Variants in ZBTB20 observed in about 807,000 individuals in gnomAD.
ZBTB20 encodes zinc finger and BTB domain-containing protein 20.
ZBTB20 carries 9 observed loss-of-function variants against 56.9 expected under a neutral mutation model. The observed-to-expected ratio is 0.16, with a 90% confidence interval of 0.10 to 0.28. The LOEUF is 0.28. ZBTB20 is among the 10% of genes least tolerant of loss of function. The pLI, the probability that ZBTB20 is intolerant of heterozygous loss-of-function variation, is 1.00. For missense variants in ZBTB20, 655 were observed against 1,003.0 expected (o/e 0.65, Z 4.69); for synonymous variants, 417 against 420.7 (o/e 0.99, Z 0.11).
chr3:115,057,999 G>T (rs1432121461), intron 2 of ZBTB20, among the ~76,000 whole-genome samples: 4 of 152,110 alleles, frequency 2.6e-5, no homozygotes, highest in Non-Finnish European at 4.4e-5. Context: ...CATGGCAGCA[G>T]CAAGAAGTGC....
At chr3:114,772,169 G>A (rs570368469) in intron 5 of ZBTB20, among the ~76,000 whole-genome samples, 79 of 151,878 alleles carry the variant, frequency 5.2e-4, no homozygotes, top group African/African-American at 1.8e-3. Context: ...GTGAAACCCC[G>A]TCTCTACTAA....
intron 7 of ZBTB20, among the ~76,000 whole-genome samples, chr3:114,429,237 A>T (rs2089942926): frequency 6.6e-6 from 1 of 152,204 alleles, no homozygotes; most frequent in Non-Finnish European, 1.5e-5. Context: ...TTAACAGTAT[A>T]GTTGTTTTAT....
chr3:114,339,494 C>A lies in ZBTB20; in HGVS notation c.1805-68G>T. 2.0e-6 allele frequency: 3 copies of A among 1,479,746 alleles called. No homozygotes were observed. Among genetic ancestry groups the A allele is most frequent in the African/African-American group, 1.4e-5 (1 of 70,786 alleles). 91.7% of individuals were successfully genotyped at this position (1,479,746 alleles called of 1,614,324 possible). A position where few individuals can be genotyped will look rare whatever the true frequency, so the allele number is the denominator to read the frequency against. ...ATAGCAAGGGATAGAGAATGAAGGA[C>A]AGGAAAAACAAGACAACAAAAAAGA... On this transcript the variant is annotated intron_variant, in intron 11 of 11. Coordinates refer to ENST00000675478, the MANE Select transcript of ZBTB20 (RefSeq NM_001348800.3). The surrounding 1 kb of genome is among the most constrained non-coding windows in gnomAD (Gnocchi z 4.2).
At position 114,506,287 on chromosome 3, in the gene ZBTB20, T is replaced by C. The variant is rs139248166; in HGVS notation, c.-294-5896A>G. On this transcript the variant is annotated intron_variant, in intron 6 of 11. Coordinates refer to ENST00000675478, the MANE Select transcript of ZBTB20 (RefSeq NM_001348800.3). ...AAATTTTGATGATGAAATAAGGTTA[T>C]AATCAATAAAGAGAGAAGATTTTAA... is the stretch of plus-strand genomic sequence containing the variant. Among the ~76,000 whole-genome samples the C allele has an allele frequency of 1.2e-3, 184 of 152,280 alleles. 2 individuals are homozygous for C. In the East Asian group the frequency reaches 0.022, roughly 18 times the overall value.
chr3:114,732,397 G>C (rs547141813), intron 5 of ZBTB20, among the ~76,000 whole-genome samples: 5 of 152,214 alleles, frequency 3.3e-5, no homozygotes, highest in African/African-American at 1.2e-4. Context: ...ATGTTGGTCA[G>C]AGATAGACCT....
intron 5 of ZBTB20, among the ~76,000 whole-genome samples, chr3:114,759,783 T>C (rs2068302664): frequency 6.6e-6 from 1 of 152,160 alleles, no homozygotes; most frequent in South Asian, 2.1e-4. Context: ...GACTCCCAAA[T>C]ATATGCTACA....
In ZBTB20 at chr3:114,336,943, T is replaced by A. The variant is rs1188207951; in HGVS notation, c.*2062A>T. The stretch of plus-strand genomic sequence containing the variant: ...TCAGCTAGGTTTAAGAATTCCTATA[T>A]TTGAGCTGGAATCCCTTCAGGACAC... On this transcript the variant is annotated 3_prime_UTR_variant, in exon 12 of 12. Coordinates refer to ENST00000675478, the MANE Select transcript of ZBTB20 (RefSeq NM_001348800.3). 6.6e-6 allele frequency: 1 copy of A among 152,168 alleles called. No individual in the cohort carries two copies. The highest frequency in any genetic ancestry group is 1.9e-4 in the East Asian group (1 of 5,202). 9.4% of individuals were successfully genotyped at this position (152,168 alleles called of 1,614,324 possible). A position where few individuals can be genotyped will look rare whatever the true frequency, so the allele number is the denominator to read the frequency against.
rs536967953 is a variant in ZBTB20 at position 114,571,332 on chromosome 3, T to C, written c.-294-70941A>G. Among the ~76,000 whole-genome samples, 36 of 152,328 alleles carry C rather than the reference T, an allele frequency of 2.4e-4. No homozygotes were observed. In the South Asian group the frequency reaches 6.8e-3, roughly 29 times the overall value. ...ACAAGAGATATAGCCAGCCATTCCA[T>C]AGTTATTGGGGGAAAACTATTGTTC... On this transcript the variant is annotated intron_variant, in intron 6 of 11. Coordinates refer to ENST00000675478, the MANE Select transcript of ZBTB20 (RefSeq NM_001348800.3).
Position 114,621,750 on chromosome 3 carries a change from T to C in ZBTB20, c.-295+71778A>G, listed in dbSNP as rs1219744906. Among the ~76,000 whole-genome samples, 3 of 152,168 alleles carry C rather than the reference T, an allele frequency of 2.0e-5. No homozygotes were observed. In the East Asian group the frequency reaches 5.8e-4, roughly 29 times the overall value. ...ATTTAATGAAATTAGAATTTCCAGGTGAGCACTAGGAAATTGAGTTATTGA... is the reference window on the plus strand; with the variant it reads ...ATTTAATGAAATTAGAATTTCCAGGCGAGCACTAGGAAATTGAGTTATTGA... On this transcript the variant is annotated intron_variant, in intron 6 of 11. Coordinates refer to ENST00000675478, the MANE Select transcript of ZBTB20 (RefSeq NM_001348800.3).
intron 5 of ZBTB20, among the ~76,000 whole-genome samples, chr3:114,775,393 T>C (rs994838464): frequency 1.3e-5 from 2 of 152,216 alleles, no homozygotes; most frequent in African/African-American, 4.8e-5. Flanking sequence ...GGTGGATATA[T>C]TAAAAGATTG....
intron 7 of ZBTB20, among the ~76,000 whole-genome samples, chr3:114,440,820 T>G (rs2090868983): frequency 6.6e-6 from 1 of 152,166 alleles, no homozygotes; most frequent in African/African-American, 2.4e-5. Flanking sequence ...AACACTCTGC[T>G]ATTCTCCTGG....
chr3:114,316,210 G>C lies in ZBTB20; in HGVS notation c.*22795C>G. 1 of 309,218 alleles carries C rather than the reference G, an allele frequency of 3.2e-6. No individual in the cohort carries two copies. Among genetic ancestry groups the C allele is most frequent in the South Asian group, 2.7e-5 (1 of 37,164 alleles). 19.2% of individuals were successfully genotyped at this position (309,218 alleles called of 1,614,324 possible). A position where few individuals can be genotyped will look rare whatever the true frequency, so the allele number is the denominator to read the frequency against. On this transcript the variant is annotated 3_prime_UTR_variant, in exon 12 of 12. Coordinates refer to ENST00000675478, the MANE Select transcript of ZBTB20 (RefSeq NM_001348800.3). ...ATGAAATGGTATATAGAACATTACT[G>C]CATTCGCATCGGATCAAGATGGTTT...
intron 5 of ZBTB20, among the ~76,000 whole-genome samples, chr3:114,763,310 A>T (rs1434518160): frequency 6.6e-6 from 1 of 152,232 alleles, no homozygotes; most frequent in African/African-American, 2.4e-5. Context: ...TCAGAAAACT[A>T]GTCATGGCTA....
intron 8 of ZBTB20, among the ~76,000 whole-genome samples, chr3:114,384,183 C>T (rs2084792510): frequency 6.6e-6 from 1 of 150,702 alleles, no homozygotes. Flanking sequence ...ACCCCTTCCT[C>T]CTCTCTCTCT....
chr3:114,442,669 T>C (rs937754397), intron 7 of ZBTB20, among the ~76,000 whole-genome samples: 1 of 152,204 alleles, frequency 6.6e-6, no homozygotes, highest in Non-Finnish European at 1.5e-5. Context: ...TCCTTCTGAC[T>C]TGAGCACACC....
At chr3:114,384,100 T>TCTC (rs1682112965) in intron 8 of ZBTB20, among the ~76,000 whole-genome samples, 1 of 139,244 alleles carries the variant, frequency 7.2e-6, no homozygotes, top group African/African-American at 2.8e-5. Context: ...TCAGTTCTCA[T>TCTC]TCTCTCTCTC....
intron 2 of ZBTB20, among the ~76,000 whole-genome samples, chr3:115,017,869 T>C (rs765462595): frequency 9.9e-5 from 15 of 151,534 alleles, no homozygotes; most frequent in Non-Finnish European, 2.2e-4. Flanking sequence ...ATACAACACA[T>C]ATGCACATAC....
At chr3:114,735,507 AT>A (rs767258415) in intron 5 of ZBTB20, among the ~76,000 whole-genome samples, 2 of 152,120 alleles carry the variant, frequency 1.3e-5, no homozygotes, top group Non-Finnish European at 2.9e-5. Context: ...TAAGAACAGT[AT>A]TTTTATACTG....
chr3:115,003,342 G>C (rs1218648509), intron 2 of ZBTB20, among the ~76,000 whole-genome samples: 3 of 151,558 alleles, frequency 2.0e-5, no homozygotes, highest in Admixed American at 6.6e-5. Flanking sequence ...TACCACCATA[G>C]TTAATAATGG....
Sources: allele counts gnomAD v4.1 joint callset (sites outside exome capture counted in the v4.1 genomes callset), GRCh38; gene constraint gnomAD v4.1.1; non-coding constraint Gnocchi (gnomAD v3.1); transcripts MANE v1.5; gene names NCBI Gene and HGNC (gene_info 2026-07-23, HGNC 2026-07-21).